CDK19: variants seen among roughly 807,000 people sequenced by gnomAD.
CDK19 encodes the protein cyclin-dependent kinase 19.
A neutral mutation model predicts 68.3 loss-of-function variants in CDK19; 20 were observed. The observed-to-expected ratio is 0.29, with a 90% CI of 0.21 to 0.43. CDK19 has a LOEUF of 0.43. Among genes scored for constraint, CDK19 ranks in the 20% least tolerant of loss-of-function variants. CDK19 has a pLI of 1.00. For missense variants in CDK19, 339 were observed against 623.5 expected (o/e 0.54, Z 4.86); for synonymous variants, 221 against 222.8 (o/e 0.99, Z 0.07).
chr6:110,720,309 C>T (rs1420841594), intron 2 of CDK19, among the ~76,000 whole-genome samples: 1 of 152,176 alleles, frequency 6.6e-6, no homozygotes, highest in Non-Finnish European at 1.5e-5. Context: ...AGACTTCTTT[C>T]ACGATCTTTG....
chr6:110,789,407 T>C (rs545304606), intron 1 of CDK19, among the ~76,000 whole-genome samples: 27 of 152,286 alleles, frequency 1.8e-4, no homozygotes, highest in Non-Finnish European at 2.6e-4. Flanking sequence ...GCCTCCCAGA[T>C]AGCTGGGACT....
intron 2 of CDK19, among the ~76,000 whole-genome samples, chr6:110,695,074 G>A (rs147438533): frequency 2.2e-3 from 335 of 152,076 alleles, no homozygotes; most frequent in Middle Eastern, 0.014. Context: ...CTGAGATGGC[G>A]CCACTGCACT....
At position 110,742,930 on chromosome 6, in the gene CDK19, T is replaced by C. The variant is rs1285548167; in HGVS notation, c.204+3196A>G. Among the ~76,000 whole-genome samples the C allele has an allele frequency of 3.9e-5, 6 of 152,136 alleles. No individual in the cohort carries two copies. In the East Asian group the frequency reaches 1.2e-3, roughly 29 times the overall value. On this transcript the variant is annotated intron_variant, in intron 2 of 12. Transcript: ENST00000368911. ...TGTGATCTTTGTGACCTACTCCCTGTATGTATACCCCCTCCCCTTTTAAAA... is the reference window on the plus strand; with the variant it reads ...TGTGATCTTTGTGACCTACTCCCTGCATGTATACCCCCTCCCCTTTTAAAA...
chr6:110,719,627 A>G (rs1775668846), intron 2 of CDK19, among the ~76,000 whole-genome samples: 1 of 152,210 alleles, frequency 6.6e-6, no homozygotes, highest in South Asian at 2.1e-4. Context: ...AAGATAATAC[A>G]GTTAAAGGAA....
At chr6:110,640,376 G>A (rs1780068982) in intron 4 of CDK19, among the ~76,000 whole-genome samples, 1 of 152,094 alleles carries the variant, frequency 6.6e-6, no homozygotes, top group Non-Finnish European at 1.5e-5. Flanking sequence ...AGAGGATGAG[G>A]GAGTGGAATT....
intron 2 of CDK19, among the ~76,000 whole-genome samples, chr6:110,689,669 C>T (rs1380674234): frequency 6.6e-6 from 1 of 152,214 alleles, no homozygotes; most frequent in African/African-American, 2.4e-5. Flanking sequence ...CATACTAAGG[C>T]TATCTATATC....
At chr6:110,623,412 A>G (rs759037158) in intron 8 of CDK19, 50 bp from the exon 9 acceptor site, 1 of 1,585,072 alleles carries the variant, frequency 6.3e-7, no homozygotes, top group South Asian at 1.1e-5. Flanking sequence ...CATCCAATTG[A>G]TATTTCTTAA....
At chr6:110,623,827 TAC>T (rs1417594417) in intron 8 of CDK19, among the ~76,000 whole-genome samples, 1 of 147,128 alleles carries the variant, frequency 6.8e-6, no homozygotes, top group African/African-American at 2.5e-5. Flanking sequence ...CACATACATA[TAC>T]ACATATATAT....
chr6:110,661,677 T>C (rs1781627058), intron 4 of CDK19, among the ~76,000 whole-genome samples: 1 of 152,208 alleles, frequency 6.6e-6, no homozygotes, highest in Non-Finnish European at 1.5e-5. Context: ...GCAAGGTTTT[T>C]TGTTACTTCA....
intron 12 of CDK19, among the ~76,000 whole-genome samples, chr6:110,615,849 A>T (rs940610431): frequency 1.8e-4 from 27 of 152,324 alleles, no homozygotes; most frequent in Admixed American, 1.7e-3. Flanking sequence ...TGTAAATAAC[A>T]TCACTATTGT....
At chr6:110,634,774 G>A (rs889500740) in intron 5 of CDK19, among the ~76,000 whole-genome samples, 25 of 152,178 alleles carry the variant, frequency 1.6e-4, no homozygotes, top group African/African-American at 6.0e-4. Flanking sequence ...TGTTGTTGAT[G>A]ACAAAGTAAT....
intron 4 of CDK19, chr6:110,643,361 T>C (rs988192879): frequency 2.6e-6 from 1 of 385,566 alleles, no homozygotes; most frequent in Non-Finnish European, 4.9e-6. Context: ...GAGTCAACTA[T>C]GGTAACATCA....
chr6:110,755,897 G>A (rs1327747825), intron 1 of CDK19, among the ~76,000 whole-genome samples: 2 of 152,136 alleles, frequency 1.3e-5, no homozygotes, highest in East Asian at 3.9e-4. Flanking sequence ...GTGGATGAGG[G>A]CCAAAATTAG....
In CDK19 at chr6:110,649,659, C is replaced by T. The variant is rs188854759; in HGVS notation, c.457-10953G>A. On this transcript the variant is annotated intron_variant, in intron 4 of 12. Coordinates refer to ENST00000368911, the MANE Select transcript of CDK19 (RefSeq NM_015076.5). ...AACTCCTACAAGTCAATATGAAAAA[C>T]AACAAAATAGAAAAATGGGCAAAAT... is the stretch of plus-strand genomic sequence containing the variant. 3.8e-4 allele frequency among the ~76,000 whole-genome samples: 58 copies of T among 152,028 alleles called. No individual in the cohort carries two copies. In the East Asian group the frequency reaches 6.6e-3, roughly 17 times the overall value.
At chr6:110,646,606 G>A (rs1217675644) in intron 4 of CDK19, 5 of 644,400 alleles carry the variant, frequency 7.8e-6, no homozygotes, top group Non-Finnish European at 9.5e-6. Context: ...GGAGGGGGCG[G>A]GGAGGGGGGA....
chr6:110,758,051 G>A (rs77452915), intron 1 of CDK19, among the ~76,000 whole-genome samples: 2,933 of 152,054 alleles, frequency 0.019, 100 homozygotes, highest in African/African-American at 0.068. Flanking sequence ...AATTGGCTGT[G>A]CATGGTGGTG....
At chr6:110,791,658 A>G in intron 1 of CDK19, among the ~76,000 whole-genome samples, 1 of 151,910 alleles carries the variant, frequency 6.6e-6, no homozygotes, top group East Asian at 1.9e-4. Context: ...TTGTTTCCTA[A>G]TTTTTCTTTT....
chr6:110,798,582 G>A (rs769864805), intron 1 of CDK19, among the ~76,000 whole-genome samples: 12 of 137,718 alleles, frequency 8.7e-5, no homozygotes, highest in Non-Finnish European at 1.4e-4. Context: ...CCAAGATCGC[G>A]ACATCGCACT....
At chr6:110,683,498 A>G (rs1228406821) in intron 2 of CDK19, among the ~76,000 whole-genome samples, 3 of 152,140 alleles carry the variant, frequency 2.0e-5, no homozygotes, top group Admixed American at 6.6e-5. Flanking sequence ...AGTAGTTTCT[A>G]TAATAATAAA....
Sources: gnomAD v4.1 joint callset for allele counts (sites outside exome capture counted in the v4.1 genomes callset) on GRCh38, gnomAD v4.1.1 for gene constraint, MANE v1.5 for transcripts, NCBI Gene and HGNC (gene_info 2026-07-23, HGNC 2026-07-21) for gene names.